The following ZNF777 variants were observed in gnomAD, a reference collection of about 807,000 sequenced individuals.
ZNF777 encodes the protein zinc finger protein 777.
A neutral mutation model predicts 72.1 loss-of-function variants in ZNF777; 7 were observed. That is an observed-to-expected ratio of 0.10 (90% CI 0.06 to 0.18). The LOEUF (loss-of-function observed/expected upper bound fraction) is 0.18. ZNF777 is among the 10% of genes least tolerant of loss of function. The pLI is 1.00. For missense variants in ZNF777, 828 were observed against 1,128.6 expected (o/e 0.73, Z 3.82); for synonymous variants, 545 against 483.5 (o/e 1.13, Z -1.67).
chr7:149,451,430 C>T (rs1799715063), intron 3 of ZNF777, among the ~76,000 whole-genome samples: 1 of 152,160 alleles, frequency 6.6e-6, no homozygotes, highest in Non-Finnish European at 1.5e-5. Context: ...GTGGCTCACA[C>T]CTGTAATCCC....
chr7:149,459,190 C>T (rs548218962), intron 1 of ZNF777, among the ~76,000 whole-genome samples: 3 of 152,322 alleles, frequency 2.0e-5, no homozygotes, highest in Admixed American at 1.3e-4. Context: ...ATCCTGCCTC[C>T]TTCCTGTGTA....
At position 149,455,846 on chromosome 7, in the gene ZNF777, A is replaced by G; in HGVS notation, c.177T>C (p.Thr59=). ...AAGTCTCTTGCTTGGGAGCACTGGA[A>G]GTTTGGGGCAGGGAGCCTTGACGGG... The part of the protein sequence containing the change: ...TIPRQGSLPQ[T]SSAPKQETSG... Residue 59 remains threonine, a synonymous_variant, in exon 2 of 6, where the codon ACT becomes ACC. Transcript: ENST00000247930. The surrounding 1 kb of genome is among the most constrained non-coding windows in gnomAD (Gnocchi z 4.2). The G allele has an allele frequency of 6.2e-7, 1 of 1,613,716 alleles. No individual in the cohort carries two copies.
chr7:149,458,058 C>T (rs995559672), intron 1 of ZNF777, among the ~76,000 whole-genome samples: 1 of 152,222 alleles, frequency 6.6e-6, no homozygotes, highest in Non-Finnish European at 1.5e-5. Context: ...ACACAAAGAC[C>T]TGTGGCAGGT....
At chr7:149,441,818 T>C (rs1273085937) in intron 4 of ZNF777, among the ~76,000 whole-genome samples, 2 of 152,172 alleles carry the variant, frequency 1.3e-5, no homozygotes, top group East Asian at 1.9e-4. Context: ...TTTTGTTTTC[T>C]AGGGCAAAAA....
Position 149,460,600 on chromosome 7 carries a change from G to A in ZNF777, c.-16+215C>T, listed in dbSNP as rs1799930803. On this transcript the variant is annotated intron_variant, in intron 1 of 5. Coordinates refer to ENST00000247930, the MANE Select transcript of ZNF777 (RefSeq NM_015694.3). The surrounding 1 kb of genome is among the most constrained non-coding windows in gnomAD (Gnocchi z 6.1). ...TGTTGCTACAAACTGCATCCTGGGA[G>A]GCATGTCCCTCTCAGGCCGTTTAAA... Among the ~76,000 whole-genome samples the A allele has an allele frequency of 6.6e-6, 1 of 152,088 alleles. No homozygotes were observed. Among genetic ancestry groups the A allele is most frequent in the Non-Finnish European group, 1.5e-5 (1 of 67,978 alleles).
Position 149,433,009 on chromosome 7 carries a change from T to A in ZNF777, c.1340-77A>T, listed in dbSNP as rs1356947295. 2.8e-6 allele frequency: 4 copies of A among 1,434,544 alleles called. No individual in the cohort carries two copies. In the African/African-American group the frequency reaches 5.8e-5, roughly 21 times the overall value. 88.9% of individuals were successfully genotyped at this position (1,434,544 alleles called of 1,614,324 possible). On this transcript the variant is annotated intron_variant, in intron 5 of 5. Transcript: ENST00000247930. Reference sequence around the variant, plus strand: ...ACCTACCTGGATGGAGGTACAGCACTGCTTCACCCTCACCAAAACATTGCA... The same window carrying A: ...ACCTACCTGGATGGAGGTACAGCACAGCTTCACCCTCACCAAAACATTGCA...
In ZNF777 at chr7:149,432,874, ATCC is replaced by A. The variant is rs747645475; in HGVS notation, c.1395_1397del (p.Glu465del). On this transcript the variant is annotated inframe_deletion, in exon 6 of 6. Coordinates refer to ENST00000247930, the MANE Select transcript of ZNF777 (RefSeq NM_015694.3). ...GGGATTGCAAGTGCTGCGGCAGCTC[ATCC>A]TCCTCCTCCTCTTCTTCCTCCTCGT... 137 of 1,557,214 alleles carry A rather than the reference ATCC, an allele frequency of 8.8e-5. No homozygotes were observed. Among genetic ancestry groups the A allele is most frequent in the African/African-American group, 8.0e-4 (59 of 73,548 alleles).
At position 149,451,108 on chromosome 7, in the gene ZNF777, A is replaced by G; in HGVS notation, c.978T>C (p.Tyr326=). 6.2e-7 allele frequency: 1 copy of G among 1,613,682 alleles called. No individual in the cohort carries two copies. Among genetic ancestry groups the G allele is most frequent in the Non-Finnish European group, 8.5e-7 (1 of 1,179,892 alleles). The part of the protein sequence containing the change: ...GNYESLVSMD[Y]AISKPDLMSQ... ...ACATGAGGTCTGGTTTGGAAATTGCATAGTCTAGGCAGAAGAAAGGGAAAA... is the reference window on the plus strand; with the variant it reads ...ACATGAGGTCTGGTTTGGAAATTGCGTAGTCTAGGCAGAAGAAAGGGAAAA... Residue 326 remains tyrosine (Y), a synonymous_variant, in exon 4 of 6, where the codon TAT becomes TAC. Coordinates refer to ENST00000247930, the MANE Select transcript of ZNF777 (RefSeq NM_015694.3).
intron 1 of ZNF777, among the ~76,000 whole-genome samples, chr7:149,457,103 G>C (rs1323112431): frequency 6.6e-6 from 1 of 152,168 alleles, no homozygotes; most frequent in Non-Finnish European, 1.5e-5. Context: ...ATCCAGATTT[G>C]GGGGGACTAG....
Position 149,432,349 on chromosome 7 carries a change from G to A in ZNF777, c.1923C>T (p.Cys641=). The change falls in exon 6 of 6, where the codon TGC becomes TGT. Residue 641 remains cysteine (C), a synonymous_variant. Transcript: ENST00000247930. ...TGGACTTGTGGCTGAAGCTGCTGTC[G>A]CACTCGGGGCACTTGTAGGGCTTAG... ...GGPKPYKCPE[C]DSSFSHKSSL... 2 of 1,612,000 alleles carry A rather than the reference G, an allele frequency of 1.2e-6. No individual in the cohort carries two copies. The highest frequency in any genetic ancestry group is 1.7e-6 in the Non-Finnish European group (2 of 1,179,866).
chr7:149,432,889 T>C lies in ZNF777; in HGVS notation c.1383A>G (p.Glu461=), dbSNP rs539466203. The C allele has an allele frequency of 8.5e-6, 13 of 1,534,870 alleles. No homozygotes were observed. The highest frequency in any genetic ancestry group is 1.7e-4 in the Middle Eastern group (1 of 5,754). The change falls in exon 6 of 6, where the codon GAA becomes GAG. Residue 461 remains glutamate (E), a synonymous_variant. Transcript: ENST00000247930. ...IKTEEQDEEE[E]EEEEDELPQH... is the part of the protein sequence containing the mutation. ...GCGGCAGCTCATCCTCCTCCTCCTC[T>C]TCTTCCTCCTCGTCTTGTTCCTCTG...
Position 149,460,480 on chromosome 7 carries a change from C to T in ZNF777, c.-16+335G>A, listed in dbSNP as rs1215233370. On this transcript the variant is annotated intron_variant, in intron 1 of 5. Transcript: ENST00000247930. The surrounding 1 kb of genome is among the most constrained non-coding windows in gnomAD (Gnocchi z 6.1). ...GGCCCGCGCGCCGCCCCTCTGCGGC[C>T]GCGGCTGGGACCCCAGCTCCGGCCC... Among the ~76,000 whole-genome samples, 1 of 149,080 alleles carries T rather than the reference C, an allele frequency of 6.7e-6. No individual in the cohort carries two copies. Among genetic ancestry groups the T allele is most frequent in the African/African-American group, 2.4e-5 (1 of 41,050 alleles).
chr7:149,446,149 G>A lies in ZNF777; in HGVS notation c.1087+4850C>T, dbSNP rs117225988. Among the ~76,000 whole-genome samples the A allele has an allele frequency of 9.1e-3, 1,383 of 152,292 alleles. 14 individuals are homozygous for A. The highest frequency in any genetic ancestry group is 0.011 in the African/African-American group (474 of 41,558). ...TCCAAGCACTTTGGGAGTCCGAGGC[G>A]GGCAGATTACCTGAGGTTGGGAGTT... On this transcript the variant is annotated intron_variant, in intron 4 of 5. Transcript: ENST00000247930.
rs776516588 is a variant in ZNF777 at position 149,432,648 on chromosome 7, C to G, written c.1624G>C (p.Gly542Arg). The G allele has an allele frequency of 1.2e-6, 2 of 1,613,560 alleles. No individual in the cohort carries two copies. Among genetic ancestry groups the G allele is most frequent in the Non-Finnish European group, 1.7e-6 (2 of 1,179,742 alleles). The change falls in exon 6 of 6, where the codon GGC becomes CGC. Residue 542 changes from glycine (G) to arginine (R), a missense_variant. Physicochemically the swap from Gly to Arg is moderately radical, Grantham distance 125. Transcript: ENST00000247930. Reference sequence around the variant, plus strand: ...TCCATGCATGTGAAGGGCCGCTCGCCGCGCCGGTTCCGCTGCTGCTGGCTC... The same window carrying G: ...TCCATGCATGTGAAGGGCCGCTCGCGGCGCCGGTTCCGCTGCTGCTGGCTC... ...ASSQQQRNRR[G>R]ERPFTCMECG...
chr7:149,445,158 C>T (rs1799581753), intron 4 of ZNF777, among the ~76,000 whole-genome samples: 1 of 152,070 alleles, frequency 6.6e-6, no homozygotes, highest in Admixed American at 6.6e-5. Flanking sequence ...TGTACTATTA[C>T]ATTTTTTATT....
rs370653007 is a variant in ZNF777, at chr7:149,432,061, G to A, written c.2211C>T (p.Leu737=). 144 of 1,606,224 alleles carry A rather than the reference G, an allele frequency of 9.0e-5. No individual in the cohort carries two copies. The African/African-American group carries it at 1.3e-3, about 15-fold the overall frequency. ...GCGAGTGCACGCGGCAGTGGTTGGTGAGCTTGGACTTCTCGCTGAAGCTCT... is the reference window on the plus strand; with the variant it reads ...GCGAGTGCACGCGGCAGTGGTTGGTAAGCTTGGACTTCTCGCTGAAGCTCT... ...CEKSFSEKSK[L]TNHCRVHSRE... Residue 737 remains leucine (L), a synonymous_variant, in exon 6 of 6, where the codon CTC becomes CTT. Transcript: ENST00000247930.
intron 5 of ZNF777, among the ~76,000 whole-genome samples, chr7:149,433,215 G>C (rs1373908976): frequency 6.6e-6 from 1 of 152,206 alleles, no homozygotes; most frequent in African/African-American, 2.4e-5. Flanking sequence ...AGGACCGCAG[G>C]GGAAATCGCT....
intron 4 of ZNF777, among the ~76,000 whole-genome samples, chr7:149,437,381 C>T (rs746957042): frequency 5.9e-5 from 9 of 152,170 alleles, no homozygotes; most frequent in Non-Finnish European, 1.2e-4. Flanking sequence ...ACAATCAGGT[C>T]GATGAAGAAA....
rs1276672366 is a variant in ZNF777 at position 149,431,715 on chromosome 7, C to T, written c.*61G>A. On this transcript the variant is annotated 3_prime_UTR_variant, in exon 6 of 6. Coordinates refer to ENST00000247930, the MANE Select transcript of ZNF777 (RefSeq NM_015694.3). ...CCCCGCCCGCTGGGCTCGGGCCTGG[C>T]GGTGTCCGAGGGGGGGCACGGCCCG... The T allele has an allele frequency of 3.3e-6, 4 of 1,223,810 alleles. No homozygotes were observed. The highest frequency in any genetic ancestry group is 4.1e-6 in the Non-Finnish European group (4 of 977,472). The allele number at this position is 1,223,810 out of a possible 1,614,324, so 75.8% of individuals were successfully genotyped here. A position where few individuals can be genotyped will look rare whatever the true frequency, so the allele number is the denominator to read the frequency against.
Sources: gnomAD v4.1 joint callset for allele counts (sites outside exome capture counted in the v4.1 genomes callset) on GRCh38, gnomAD v4.1.1 for gene constraint, Gnocchi (gnomAD v3.1) non-coding constraint, MANE v1.5 for transcripts, NCBI Gene and HGNC (gene_info 2026-07-23, HGNC 2026-07-21) for gene names.